The following IFFO2 variants were observed in gnomAD, a reference collection of about 807,000 sequenced individuals.
IFFO2 encodes the protein intermediate filament family orphan 2.
IFFO2 carries 19 observed loss-of-function variants against 53.5 expected under a neutral mutation model. The ratio of observed to expected loss-of-function variants is 0.36; its 90% CI spans 0.25 to 0.52. The LOEUF is 0.52. Ranked by LOEUF, IFFO2 falls within the 20% of genes least tolerant of loss-of-function variation. The pLI is 0.94. For synonymous variants in IFFO2, 303 were observed against 313.6 expected, an observed-to-expected ratio of 0.97 and a Z score of 0.36; for missense variants, 570 against 727.4, an observed-to-expected ratio of 0.78 and a Z score of 2.49.
At chr1:18,948,778 C>T in intron 1 of IFFO2, among the ~76,000 whole-genome samples, 1 of 152,216 alleles carries the variant, frequency 6.6e-6, no homozygotes, top group Non-Finnish European at 1.5e-5. Flanking sequence ...GCTTGGTTCT[C>T]AACCTCTGCC....
chr1:18,940,328 C>T (rs539670652), intron 1 of IFFO2, among the ~76,000 whole-genome samples: 5 of 152,308 alleles, frequency 3.3e-5, no homozygotes, highest in South Asian at 2.1e-4. Context: ...GCCCTAGCTC[C>T]GCCACTCGCC....
Position 18,917,352 on chromosome 1 carries a change from G to A in IFFO2, c.964-310C>T, listed in dbSNP as rs912251547. On this transcript the variant is annotated intron_variant, in intron 4 of 8. Coordinates refer to ENST00000455833, the MANE Select transcript of IFFO2 (RefSeq NM_001136265.2). The surrounding 1 kb of genome is among the most constrained non-coding windows in gnomAD (Gnocchi z 5.9). ...TTTGGGGAGAGGAGCAGGCCAGACC[G>A]GGACACAGAGTTGCCTGGGATATCT... Among the ~76,000 whole-genome samples, 13 of 152,148 alleles carry A rather than the reference G, an allele frequency of 8.5e-5. No homozygotes were observed. Among genetic ancestry groups the A allele is most frequent in the African/African-American group, 1.4e-4 (6 of 41,434 alleles).
intron 1 of IFFO2, among the ~76,000 whole-genome samples, chr1:18,926,456 G>T (rs1309139918): frequency 1.3e-5 from 2 of 152,190 alleles, no homozygotes; most frequent in Non-Finnish European, 2.9e-5. Context: ...AACAAAGAGT[G>T]CAGGGAGAGG....
Position 18,947,518 on chromosome 1 carries a change from G to A in IFFO2, c.665+8150C>T, listed in dbSNP as rs1175703834. Among the ~76,000 whole-genome samples, 3 of 152,206 alleles carry A rather than the reference G, an allele frequency of 2.0e-5. No individual in the cohort carries two copies. Among genetic ancestry groups the A allele is most frequent in the African/African-American group, 7.2e-5 (3 of 41,446 alleles). Reference sequence around the variant, plus strand: ...CAGCACAGGATAAAGGTTGGATCTGGAGCCTGACTTCCAAGTTACTTCTCC... The same window carrying A: ...CAGCACAGGATAAAGGTTGGATCTGAAGCCTGACTTCCAAGTTACTTCTCC... On this transcript the variant is annotated intron_variant, in intron 1 of 8. Transcript: ENST00000455833. This position sits in a 1 kb window ranked among gnomAD's most constrained non-coding sequence, Gnocchi z 5.0.
intron 1 of IFFO2, among the ~76,000 whole-genome samples, chr1:18,950,081 G>A (rs1162402800): frequency 6.6e-6 from 1 of 152,218 alleles, no homozygotes; most frequent in Non-Finnish European, 1.5e-5. Flanking sequence ...TAGATGGAGG[G>A]GTTTGTGTGT....
At chr1:18,944,475 G>A (rs1431975799) in intron 1 of IFFO2, among the ~76,000 whole-genome samples, 2 of 152,094 alleles carry the variant, frequency 1.3e-5, no homozygotes. Flanking sequence ...ACCATAATGG[G>A]GGATGGGGAG....
At chr1:18,923,792 T>A (rs9426699) in intron 1 of IFFO2, among the ~76,000 whole-genome samples, 7 of 152,036 alleles carry the variant, frequency 4.6e-5, no homozygotes, top group African/African-American at 1.7e-4. Flanking sequence ...AGGCGAGGGC[T>A]GGGGCAGACA....
At chr1:18,940,797 G>A (rs1050083761) in intron 1 of IFFO2, among the ~76,000 whole-genome samples, 2 of 152,060 alleles carry the variant, frequency 1.3e-5, no homozygotes, top group South Asian at 2.1e-4. Context: ...GTACGTACAC[G>A]TGCAAATACC....
At position 18,919,675 on chromosome 1, in the gene IFFO2, T is replaced by C; in HGVS notation, c.822+3A>G. The C allele has an allele frequency of 6.5e-7, 1 of 1,549,858 alleles. No individual in the cohort carries two copies. ...ACACCCAGGGGCGGCGGGCGGCACT[T>C]ACGTCACTCATAAGCCCCTTAAACA... On this transcript the variant is annotated splice_donor_region_variant and intron_variant, in intron 3 of 8. Coordinates refer to ENST00000455833, the MANE Select transcript of IFFO2 (RefSeq NM_001136265.2). This position sits in a 1 kb window ranked among gnomAD's most constrained non-coding sequence, Gnocchi z 4.9.
At chr1:18,920,037 C>A (rs1936195844) in intron 2 of IFFO2, among the ~76,000 whole-genome samples, 1 of 152,222 alleles carries the variant, frequency 6.6e-6, no homozygotes, top group Non-Finnish European at 1.5e-5. Context: ...AACAAGCAAT[C>A]CTATTACGTT....
chr1:18,942,737 A>G (rs1179732193), intron 1 of IFFO2, among the ~76,000 whole-genome samples: 1 of 152,194 alleles, frequency 6.6e-6, no homozygotes, highest in African/African-American at 2.4e-5. Flanking sequence ...AGGTCCCTCA[A>G]CTTGGCATCA....
chr1:18,913,875 G>T (rs1250727150), intron 5 of IFFO2, among the ~76,000 whole-genome samples: 1 of 152,196 alleles, frequency 6.6e-6, no homozygotes, highest in African/African-American at 2.4e-5. Context: ...CTGTCGCCCA[G>T]GCTGGAGTGC....
At chr1:18,948,894 G>A (rs532922785) in intron 1 of IFFO2, among the ~76,000 whole-genome samples, 44 of 152,300 alleles carry the variant, frequency 2.9e-4, no homozygotes, top group African/African-American at 1.0e-3. Context: ...GTAGCTAGGC[G>A]AGCCTGTCTA....
In IFFO2 at chr1:18,919,177, C is replaced by A. The variant is rs867176520; in HGVS notation, c.822+501G>T. ...GGAGCCCTTTGCTGCCAACAGCTCC[C>A]CCCACCCACAGATACTTAGAGGGGC... is the stretch of plus-strand genomic sequence containing the variant. On this transcript the variant is annotated intron_variant, in intron 3 of 8. Transcript: ENST00000455833. This position sits in a 1 kb window ranked among gnomAD's most constrained non-coding sequence, Gnocchi z 4.9. Among the ~76,000 whole-genome samples, 2 of 152,186 alleles carry A rather than the reference C, an allele frequency of 1.3e-5. No individual in the cohort carries two copies. The highest frequency in any genetic ancestry group is 4.8e-5 in the African/African-American group (2 of 41,434).
chr1:18,951,744 A>G (rs554425807), intron 1 of IFFO2, among the ~76,000 whole-genome samples: 1 of 152,328 alleles, frequency 6.6e-6, no homozygotes, highest in East Asian at 1.9e-4. Context: ...AAACGGTTGA[A>G]CCGGTTAAGC....
Position 18,917,060 on chromosome 1 carries a change from C to G in IFFO2, c.964-18G>C, listed in dbSNP as rs1027563354. On this transcript the variant is annotated intron_variant, in intron 4 of 8. Coordinates refer to ENST00000455833, the MANE Select transcript of IFFO2 (RefSeq NM_001136265.2). The surrounding 1 kb of genome is among the most constrained non-coding windows in gnomAD (Gnocchi z 5.9). ...GGGACCACCTGAACCGGAAAGGAAGCAATCAAGGTAACTGGGGGGCTCGGC... is the reference window on the plus strand; with the variant it reads ...GGGACCACCTGAACCGGAAAGGAAGGAATCAAGGTAACTGGGGGGCTCGGC... 1 of 1,551,738 alleles carries G rather than the reference C, an allele frequency of 6.4e-7. No individual in the cohort carries two copies. Among genetic ancestry groups the G allele is most frequent in the Non-Finnish European group, 8.7e-7 (1 of 1,146,844 alleles).
chr1:18,927,511 G>A (rs912881893), intron 1 of IFFO2, among the ~76,000 whole-genome samples: 6 of 152,368 alleles, frequency 3.9e-5, no homozygotes, highest in Non-Finnish European at 7.3e-5. Flanking sequence ...GCTGGATGCA[G>A]GTGGCCAGGG....
intron 5 of IFFO2, among the ~76,000 whole-genome samples, chr1:18,913,959 G>C (rs966329513): frequency 6.8e-6 from 1 of 147,338 alleles, no homozygotes; most frequent in Non-Finnish European, 1.5e-5. Flanking sequence ...AGCCTCCTGC[G>C]TAGCTGGGAC....
chr1:18,921,231 A>T, intron 1 of IFFO2, 110 bp from the exon 2 acceptor site: 1 of 966,168 alleles, frequency 1.0e-6, no homozygotes, highest in Non-Finnish European at 1.6e-6. Flanking sequence ...CTGGGCAAGG[A>T]AGGTGCATTG....
Sources: gnomAD v4.1 joint callset for allele counts (sites outside exome capture counted in the v4.1 genomes callset) on GRCh38, gnomAD v4.1.1 for gene constraint, Gnocchi (gnomAD v3.1) non-coding constraint, MANE v1.5 for transcripts, NCBI Gene and HGNC (gene_info 2026-07-23, HGNC 2026-07-21) for gene names.